VRK2: variants seen among roughly 807,000 people sequenced by gnomAD.
VRK2 encodes VRK serine/threonine kinase 2.
Under a neutral mutation model 57.6 loss-of-function variants are expected in VRK2, and 60 were observed. The ratio of observed to expected loss-of-function variants is 1.04; its 90% CI spans 0.85 to 1.29. The LOEUF is 1.29. Ranked by LOEUF, VRK2 falls within the 50% of genes most tolerant of loss-of-function variation. The pLI is 0.00. For synonymous variants in VRK2, 231 were observed against 199.2 expected (o/e 1.16, Z -1.35); for missense variants, 705 against 588.1 (o/e 1.20, Z -2.06).
intron 1 of VRK2, among the ~76,000 whole-genome samples, chr2:57,924,101 T>C (rs1199089116): frequency 6.6e-6 from 1 of 152,072 alleles, no homozygotes; most frequent in Non-Finnish European, 1.5e-5. Flanking sequence ...TGTATGTCAG[T>C]ACCATGCCAT....
intron 1 of VRK2, among the ~76,000 whole-genome samples, chr2:58,013,994 T>C (rs1336067163): frequency 1.3e-5 from 2 of 152,210 alleles, no homozygotes; most frequent in African/African-American, 4.8e-5. Flanking sequence ...GGGTAATACT[T>C]TCATAATACT....
intron 1 of VRK2, among the ~76,000 whole-genome samples, chr2:57,932,227 T>C (rs2678882): frequency 6.6e-6 from 1 of 151,830 alleles, no homozygotes; most frequent in Non-Finnish European, 1.5e-5. Context: ...GATAAACTAG[T>C]AGTGTTCCCT....
At chr2:58,118,869 G>A (rs933541306) in intron 7 of VRK2, among the ~76,000 whole-genome samples, 1 of 152,210 alleles carries the variant, frequency 6.6e-6, no homozygotes, top group African/African-American at 2.4e-5. Flanking sequence ...ACAGTCAAAG[G>A]AGGTTGTTCT....
At chr2:58,132,192 T>A (rs1455874723) in intron 9 of VRK2, among the ~76,000 whole-genome samples, 1 of 152,200 alleles carries the variant, frequency 6.6e-6, no homozygotes, top group Non-Finnish European at 1.5e-5. Context: ...TTCCAAAGCT[T>A]AGATTCTAGG....
chr2:58,084,433 G>A lies in VRK2; in HGVS notation c.186+295G>A, dbSNP rs530826240. On this transcript the variant is annotated intron_variant, in intron 3 of 12. Coordinates refer to ENST00000340157, the MANE Select transcript of VRK2 (RefSeq NM_006296.7). ...GTAAGGTCCTTAAAGGCAAGCATAG[G>A]GTTTTATTTCTTTTTGGTGTCCCCT... Among the ~76,000 whole-genome samples the A allele has an allele frequency of 1.5e-3, 232 of 151,686 alleles. 1 individual carries two copies. The highest frequency in any genetic ancestry group is 5.5e-3 in the African/African-American group (227 of 41,424).
In VRK2 at chr2:58,120,184, C is replaced by CTTTTTTTTTT. The variant is rs397868874; in HGVS notation, c.544-2902_544-2893dup. Among the ~76,000 whole-genome samples the CTTTTTTTTTT allele has an allele frequency of 2.4e-3, 124 of 51,962 alleles. 19 individuals carry two copies. Among genetic ancestry groups the CTTTTTTTTTT allele is most frequent in the African/African-American group, 0.012 (116 of 9,624 alleles). 34.1% of individuals were successfully genotyped at this position (51,962 alleles called of 152,430 possible). A position where few individuals can be genotyped will look rare whatever the true frequency, so the allele number is the denominator to read the frequency against. ...CTTTTTGTCTATTTTTTTTTCTTTT[C>CTTTTTTTTTT]TTTTTTTTTTTTTTTTTTTTTTTTG... On this transcript the variant is annotated intron_variant, in intron 7 of 12. Coordinates refer to ENST00000340157, the MANE Select transcript of VRK2 (RefSeq NM_006296.7).
At chr2:57,911,479 C>A (rs1030102220) in intron 1 of VRK2, among the ~76,000 whole-genome samples, 3 of 152,136 alleles carry the variant, frequency 2.0e-5, no homozygotes, top group South Asian at 4.1e-4. Flanking sequence ...CTCTGACCAA[C>A]CCACACCCAT....
intron 2 of VRK2, among the ~76,000 whole-genome samples, chr2:58,060,994 G>T (rs1677243370): frequency 6.6e-6 from 1 of 151,852 alleles, no homozygotes; most frequent in African/African-American, 2.4e-5. Flanking sequence ...AGGCTTGAAA[G>T]GAGTGTATGA....
intron 2 of VRK2, among the ~76,000 whole-genome samples, chr2:58,032,149 G>C (rs889701225): frequency 6.6e-6 from 1 of 152,016 alleles, no homozygotes; most frequent in Non-Finnish European, 1.5e-5. Flanking sequence ...AGTTGTTGTG[G>C]TTATGAACAG....
At chr2:58,028,405 A>G (rs1673999608) in intron 2 of VRK2, 1 of 152,168 alleles carries the variant, frequency 6.6e-6, no homozygotes, top group Admixed American at 6.6e-5. Context: ...TATTGTGAGT[A>G]GTGCTGCAAT....
At chr2:58,155,216 A>G (rs1030092429) in intron 12 of VRK2, among the ~76,000 whole-genome samples, 1 of 152,200 alleles carries the variant, frequency 6.6e-6, no homozygotes, top group Non-Finnish European at 1.5e-5. Flanking sequence ...AATTACTGAG[A>G]ACAGAGCTTT....
In VRK2 at chr2:57,943,180, G is replaced by T. The variant is rs376387194; in HGVS notation, c.-439+35341G>T. ...ACTGAATGCTTGAATACTTCTTACT[G>T]GCCTATTATTTATCATTAAATATCC... On this transcript the variant is annotated intron_variant, in intron 1 of 15. Coordinates refer to the VRK2 transcript ENST00000417641. Among the ~76,000 whole-genome samples, 33 of 152,106 alleles carry T rather than the reference G, an allele frequency of 2.2e-4. No individual in the cohort carries two copies. In the South Asian group the frequency reaches 6.9e-3, roughly 32 times the overall value.
chr2:58,067,022 G>T (rs1181748587), intron 2 of VRK2, among the ~76,000 whole-genome samples: 1 of 152,224 alleles, frequency 6.6e-6, no homozygotes, highest in Non-Finnish European at 1.5e-5. Context: ...CTAGAACAAA[G>T]CATGCAGAAG....
chr2:58,002,486 A>AG (rs1199822652), intron 1 of VRK2, among the ~76,000 whole-genome samples: 1 of 152,194 alleles, frequency 6.6e-6, no homozygotes, highest in African/African-American at 2.4e-5. Context: ...CAAAAAAAAA[A>AG]GTAAAATCAG....
At chr2:58,047,521 T>C in intron 1 of VRK2, 2 of 899,686 alleles carry the variant, frequency 2.2e-6, no homozygotes, top group Non-Finnish European at 2.7e-6. Flanking sequence ...GGCCGCTGCC[T>C]TGCCCCAAAG....
intron 1 of VRK2, among the ~76,000 whole-genome samples, chr2:57,911,157 C>T (rs1182778077): frequency 2.0e-5 from 3 of 152,046 alleles, no homozygotes; most frequent in African/African-American, 7.2e-5. Context: ...TTACTCTCAC[C>T]AGTTACTTCA....
intron 7 of VRK2, among the ~76,000 whole-genome samples, chr2:58,104,406 T>C (rs1036144005): frequency 1.1e-4 from 17 of 151,818 alleles, no homozygotes; most frequent in African/African-American, 3.9e-4. Flanking sequence ...GTAGTATTTC[T>C]ATACACCAAT....
At chr2:58,119,873 G>T (rs1677156002) in intron 7 of VRK2, among the ~76,000 whole-genome samples, 1 of 151,714 alleles carries the variant, frequency 6.6e-6, no homozygotes, top group South Asian at 2.1e-4. Flanking sequence ...AAGGTTGAGG[G>T]TGGGGATGGA....
At chr2:58,009,870 A>G (rs1354027643) in intron 1 of VRK2, among the ~76,000 whole-genome samples, 1 of 151,998 alleles carries the variant, frequency 6.6e-6, no homozygotes, top group Admixed American at 6.6e-5. Context: ...CTACTTACCC[A>G]TCCTTTAATG....
Sources: allele counts gnomAD v4.1 joint callset (sites outside exome capture counted in the v4.1 genomes callset), GRCh38; gene constraint gnomAD v4.1.1; transcripts MANE v1.5; gene names NCBI Gene and HGNC (gene_info 2026-07-23, HGNC 2026-07-21).